Variants in AP3M1 observed in about 807,000 individuals in gnomAD.
AP3M1 encodes the protein adaptor related protein complex 3 subunit mu 1.
A neutral mutation model predicts 42.6 loss-of-function variants in AP3M1; 29 were observed. That is an observed-to-expected ratio of 0.68 (90% CI 0.51 to 0.93). The LOEUF (loss-of-function observed/expected upper bound fraction) is 0.93. Ranked by LOEUF, AP3M1 falls within the 40% of genes least tolerant of loss-of-function variation. AP3M1 has a pLI of 0.00. For missense variants in AP3M1, 416 were observed against 510.2 expected, an observed-to-expected ratio of 0.82 and a Z score of 1.78; for synonymous variants, 178 against 175.3, an observed-to-expected ratio of 1.02 and a Z score of -0.12.
intron 1 of AP3M1, among the ~76,000 whole-genome samples, chr10:74,148,750 T>C (rs1229138327): frequency 2.0e-4 from 31 of 152,024 alleles, no homozygotes; most frequent in Admixed American, 2.0e-3. Context: ...AGAGATGGAG[T>C]CTCGCTATGT....
At chr10:74,144,154 G>A (rs1361955641) in intron 1 of AP3M1, among the ~76,000 whole-genome samples, 3 of 152,102 alleles carry the variant, frequency 2.0e-5, no homozygotes, top group Non-Finnish European at 4.4e-5. Flanking sequence ...GTAGAGATGG[G>A]GTTTCACCAT....
In AP3M1 at chr10:74,120,624, TCTC is replaced by T. The variant is rs564244232; in HGVS notation, c.*3183_*3185del. ...CCTCTGCCTCCCGGGTTCAAGCAAT[TCTC>T]CTGCCTCAGCCTCCCATGTAGCTGG... On this transcript the variant is annotated 3_prime_UTR_variant, in exon 9 of 9. Transcript: ENST00000355264. 2.6e-5 allele frequency: 4 copies of T among 152,572 alleles called. No individual in the cohort carries two copies. The East Asian group carries it at 7.7e-4, about 29-fold the overall frequency. 9.5% of individuals were successfully genotyped at this position (152,572 alleles called of 1,614,324 possible). A position where few individuals can be genotyped will look rare whatever the true frequency, so the allele number is the denominator to read the frequency against.
At chr10:74,129,794 A>G (rs924855025) in intron 5 of AP3M1, 113 bp downstream of exon 5, 2 of 763,176 alleles carry the variant, frequency 2.6e-6, no homozygotes, top group Admixed American at 4.6e-5. Context: ...AATATTTCTG[A>G]GATAATCCTT....
At chr10:74,128,549 A>T (rs1840686142) in intron 6 of AP3M1, among the ~76,000 whole-genome samples, 1 of 152,066 alleles carries the variant, frequency 6.6e-6, no homozygotes, top group Non-Finnish European at 1.5e-5. Context: ...CCTCAATGCT[A>T]AACAGTTCCT....
intron 7 of AP3M1, among the ~76,000 whole-genome samples, chr10:74,124,823 G>A (rs998923033): frequency 6.6e-6 from 1 of 152,158 alleles, no homozygotes; most frequent in African/African-American, 2.4e-5. Context: ...ATTTACAAAT[G>A]AGGAAATTAA....
chr10:74,129,875 A>C (rs752487632), intron 5 of AP3M1, 32 bp downstream of exon 5: 5 of 1,434,734 alleles, frequency 3.5e-6, no homozygotes, highest in Non-Finnish European at 4.9e-6. Flanking sequence ...TTAGGCATTC[A>C]AGGGGCTATA....
chr10:74,126,484 T>G, intron 6 of AP3M1, 129 bp from the exon 7 acceptor site: 1 of 661,534 alleles, frequency 1.5e-6, no homozygotes, highest in Non-Finnish European at 2.6e-6. Context: ...AATAAGGTAC[T>G]ACAGAGTTGG....
rs754090301 is a variant in AP3M1, at chr10:74,129,198, C to T, written c.713G>A (p.Arg238Gln). ...LDDVSFHPCI[R>Q]FKRWESERVL... ...TCTTTCAGATTCCCAACGCTTGAACCGGATGCAGGGGTGAAAGCTGACATC... is the reference window on the plus strand; with the variant it reads ...TCTTTCAGATTCCCAACGCTTGAACTGGATGCAGGGGTGAAAGCTGACATC... Residue 238 changes from arginine (R) to glutamine (Q), a missense_variant, in exon 6 of 9, where the codon CGG (arginine) becomes CAG (glutamine). Physicochemically the swap from Arg to Gln is conservative, Grantham distance 43. Transcript: ENST00000355264. 1.5e-5 allele frequency: 25 copies of T among 1,613,962 alleles called. No individual in the cohort carries two copies. The highest frequency in any genetic ancestry group is 4.0e-5 in the African/African-American group (3 of 74,904).
intron 1 of AP3M1, among the ~76,000 whole-genome samples, chr10:74,149,260 A>G (rs1841438226): frequency 7.8e-6 from 1 of 128,852 alleles, no homozygotes; most frequent in African/African-American, 2.8e-5. Flanking sequence ...TCCTAAAGAT[A>G]CGTAAGGTTT....
intron 4 of AP3M1, among the ~76,000 whole-genome samples, chr10:74,130,890 TA>T (rs1840761083): frequency 6.6e-6 from 1 of 151,940 alleles, no homozygotes; most frequent in Admixed American, 6.6e-5. Flanking sequence ...GTGGGTAGAT[TA>T]TCTGAGCTCA....
At chr10:74,136,559 G>T in intron 3 of AP3M1, 73 bp downstream of exon 3, 1 of 1,212,844 alleles carries the variant, frequency 8.2e-7, no homozygotes, top group Non-Finnish European at 1.1e-6. Flanking sequence ...TAATATGTCA[G>T]ATCATGAGCA....
intron 1 of AP3M1, among the ~76,000 whole-genome samples, chr10:74,149,294 TTTTTTTTTTTTTC>T (rs1265642578): frequency 6.5e-5 from 7 of 107,122 alleles, no homozygotes; most frequent in African/African-American, 2.8e-4. Flanking sequence ...TTTTTTTTTT[TTTTTTTTTTTTTC>T]GAGGCAGAGT....
rs35456205 is a variant in AP3M1 at position 74,130,002 on chromosome 10, G to GA, written c.584-11dup. On this transcript the variant is annotated splice_polypyrimidine_tract_variant and intron_variant, in intron 4 of 8. Transcript: ENST00000355264. ...GCAAAGACTGTAGATCCTGAAGAAA[G>GA]AAAAAAAAAAGGAAGATAACATCAA... 9.9e-4 allele frequency: 1,418 copies of GA among 1,439,218 alleles called. No homozygotes were observed. Among genetic ancestry groups the GA allele is most frequent in the East Asian group, 1.6e-3 (67 of 41,210 alleles). The allele number at this position is 1,439,218 out of a possible 1,614,324, so 89.2% of individuals were successfully genotyped here.
intron 2 of AP3M1, among the ~76,000 whole-genome samples, 193 bp downstream of exon 2, chr10:74,137,914 C>T (rs1255189407): frequency 2.0e-5 from 3 of 152,018 alleles, no homozygotes; most frequent in African/African-American, 7.3e-5. Context: ...ATCTGTAATA[C>T]ATATAAAAAA....
At chr10:74,133,990 T>C (rs755498612) in intron 4 of AP3M1, 37 bp downstream of exon 4, 2 of 1,609,102 alleles carry the variant, frequency 1.2e-6, no homozygotes, top group Non-Finnish European at 1.7e-6. Context: ...TCAGATGAAT[T>C]GTTTTTCCCC....
At chr10:74,138,069 G>A in intron 2 of AP3M1, 38 bp downstream of exon 2, 1 of 1,582,984 alleles carries the variant, frequency 6.3e-7, no homozygotes, top group Non-Finnish European at 8.6e-7. Context: ...CAGCTAACTT[G>A]GGTCATTTAA....
intron 1 of AP3M1, among the ~76,000 whole-genome samples, chr10:74,149,896 C>A (rs1841491696): frequency 6.6e-6 from 1 of 152,180 alleles, no homozygotes; most frequent in Admixed American, 6.5e-5. Context: ...TGCAGTCTTT[C>A]CTCAGTTACT....
chr10:74,129,759 G>A (rs1840720235), intron 5 of AP3M1, 148 bp downstream of exon 5: 6 of 639,676 alleles, frequency 9.4e-6, no homozygotes, highest in South Asian at 6.0e-5. Context: ...TCATGTAAGC[G>A]ACTGTCTTAG....
chr10:74,135,770 A>C (rs1388111775), intron 3 of AP3M1, among the ~76,000 whole-genome samples: 1 of 152,156 alleles, frequency 6.6e-6, no homozygotes, highest in Non-Finnish European at 1.5e-5. Flanking sequence ...TGTCCCATTC[A>C]GAGTATAAGT....
Sources: allele counts gnomAD v4.1 joint callset (sites outside exome capture counted in the v4.1 genomes callset), GRCh38; gene constraint gnomAD v4.1.1; transcripts MANE v1.5; gene names NCBI Gene and HGNC (gene_info 2026-07-23, HGNC 2026-07-21).